Variants in CLYBL observed in about 807,000 individuals in gnomAD.
CLYBL encodes the protein citramalyl-CoA lyase, mitochondrial.
Under a neutral mutation model 38.9 loss-of-function variants are expected in CLYBL, and 31 were observed. The observed-to-expected ratio is 0.80, with a 90% CI of 0.60 to 1.08. CLYBL has a LOEUF of 1.08. CLYBL is among the 50% of genes least tolerant of loss of function. The pLI, the probability that CLYBL is intolerant of heterozygous loss-of-function variation, is 0.00. For missense variants in CLYBL, 434 were observed against 411.6 expected (o/e 1.05, Z -0.47); for synonymous variants, 171 against 158.6 (o/e 1.08, Z -0.59).
intron 1 of CLYBL, among the ~76,000 whole-genome samples, chr13:99,717,436 GAAAAAAAAAA>G (rs1172721313): frequency 2.2e-5 from 2 of 91,084 alleles, no homozygotes; most frequent in Non-Finnish European, 4.2e-5. Flanking sequence ...AAAAAAATTA[GAAAAAAAAAA>G]AAAAAAAAAA....
At chr13:99,781,562 G>A (rs1364787370) in intron 2 of CLYBL, among the ~76,000 whole-genome samples, 1 of 152,116 alleles carries the variant, frequency 6.6e-6, no homozygotes, top group African/African-American at 2.4e-5. Context: ...TGTAACCTCT[G>A]CCCCCCGGGT....
At chr13:99,852,250 G>A (rs1210078693) in intron 2 of CLYBL, among the ~76,000 whole-genome samples, 1 of 152,024 alleles carries the variant, frequency 6.6e-6, no homozygotes, top group African/African-American at 2.4e-5. Context: ...TTCTTTTTTT[G>A]TTGTTTTTGA....
At chr13:99,648,879 A>T (rs1003420832) in intron 1 of CLYBL, among the ~76,000 whole-genome samples, 5 of 152,148 alleles carry the variant, frequency 3.3e-5, no homozygotes, top group African/African-American at 1.2e-4. Flanking sequence ...GGACTTTGAA[A>T]TGAATATTTT....
chr13:99,701,603 G>A (rs559551328), intron 1 of CLYBL, among the ~76,000 whole-genome samples: 3 of 152,168 alleles, frequency 2.0e-5, no homozygotes, highest in South Asian at 2.1e-4. Context: ...GAGCCACCGC[G>A]CCCGGCCTGA....
chr13:99,643,998 C>G (rs1293578202), intron 1 of CLYBL, among the ~76,000 whole-genome samples: 2 of 103,412 alleles, frequency 1.9e-5, no homozygotes, highest in African/African-American at 9.1e-5. Context: ...GAACAAGACT[C>G]TGTCTCAAAA....
At chr13:99,820,472 C>T (rs996076104) in intron 2 of CLYBL, among the ~76,000 whole-genome samples, 1 of 150,848 alleles carries the variant, frequency 6.6e-6, no homozygotes, top group African/African-American at 2.4e-5. Context: ...GCCTACCTCC[C>T]CCCGACTCCC....
intron 1 of CLYBL, among the ~76,000 whole-genome samples, chr13:99,749,753 G>A (rs889712997): frequency 6.6e-6 from 1 of 152,174 alleles, no homozygotes; most frequent in Admixed American, 6.5e-5. Context: ...TCTCACGAAT[G>A]GCCCTGTTCC....
At chr13:99,699,473 C>G (rs757604226) in intron 1 of CLYBL, among the ~76,000 whole-genome samples, 14 of 151,824 alleles carry the variant, frequency 9.2e-5, no homozygotes, top group Non-Finnish European at 1.9e-4. Flanking sequence ...GCAGGCAGAT[C>G]ACGAGGTCAG....
chr13:99,836,363 G>A (rs1237192408), intron 2 of CLYBL, among the ~76,000 whole-genome samples: 1 of 152,206 alleles, frequency 6.6e-6, no homozygotes, highest in African/African-American at 2.4e-5. Context: ...CCAAGCCTCA[G>A]TTCCAGCACA....
intron 1 of CLYBL, among the ~76,000 whole-genome samples, chr13:99,675,347 C>T (rs1594113680): frequency 9.7e-6 from 1 of 103,434 alleles, no homozygotes; most frequent in African/African-American, 3.2e-5. Context: ...TCTATATCAG[C>T]TTTATTGAGA....
chr13:99,716,967 T>A (rs907741565), intron 1 of CLYBL, among the ~76,000 whole-genome samples: 8 of 150,718 alleles, frequency 5.3e-5, no homozygotes, highest in African/African-American at 1.9e-4. Context: ...AATTTTGTAT[T>A]TTTAGTAGAG....
chr13:99,690,514 C>A (rs775475947), intron 1 of CLYBL: 2 of 152,054 alleles, frequency 1.3e-5, no homozygotes. Context: ...TAATACCGCA[C>A]AGCTTGGAGG....
intron 1 of CLYBL, among the ~76,000 whole-genome samples, chr13:99,652,160 G>T (rs1336278619): frequency 6.6e-6 from 1 of 152,212 alleles, no homozygotes; most frequent in African/African-American, 2.4e-5. Flanking sequence ...CAGGGAGGGA[G>T]TGTCCAACTG....
Position 99,866,355 on chromosome 13 carries a change from TG to T in CLYBL, c.752del (p.Gly251GlufsTer21), listed in dbSNP as rs2051744096. The T allele has an allele frequency of 1.2e-6, 2 of 1,614,078 alleles. No homozygotes were observed. The highest frequency in any genetic ancestry group is 1.7e-6 in the Non-Finnish European group (2 of 1,180,038). On this transcript the variant is annotated frameshift_variant, in exon 6 of 9. Coordinates refer to ENST00000339105, the MANE Select transcript of CLYBL (RefSeq NM_206808.5). LOFTEE classifies it high-confidence loss of function. ...ATCTGGTGTACATTGACTTTCGAGA[TG>T]GAGCTGGGCTGCTTAGACAGTCACG... ...IDLVYIDFRD[G>X]AGLLRQSREG...
rs148327524 is a variant in CLYBL at position 99,682,515 on chromosome 13, T to G, written c.62+75758T>G. ...CAGTAAAAATACTGCATAAAAGATT[T>G]AAAATGGAACACTCACAGAAGGCTC... On this transcript the variant is annotated intron_variant, in intron 1 of 8. Coordinates refer to ENST00000339105, the MANE Select transcript of CLYBL (RefSeq NM_206808.5). Among the ~76,000 whole-genome samples, 231 of 152,158 alleles carry G rather than the reference T, an allele frequency of 1.5e-3. 2 individuals are homozygous for G. Among genetic ancestry groups the G allele is most frequent in the African/African-American group, 5.3e-3 (220 of 41,532 alleles).
chr13:99,694,781 G>A (rs765442228), intron 1 of CLYBL, among the ~76,000 whole-genome samples: 4 of 152,166 alleles, frequency 2.6e-5, no homozygotes, highest in African/African-American at 9.7e-5. Context: ...CCTGGACATC[G>A]GTGCTTTCCC....
chr13:99,866,102 A>G, intron 5 of CLYBL, 138 bp from the exon 6 acceptor site: 1 of 830,272 alleles, frequency 1.2e-6, no homozygotes, highest in South Asian at 1.6e-5. Flanking sequence ...CTTCATTTGT[A>G]TTTCAATAAT....
At chr13:99,846,704 A>C (rs1290628103) in intron 2 of CLYBL, among the ~76,000 whole-genome samples, 1 of 152,206 alleles carries the variant, frequency 6.6e-6, no homozygotes, top group Non-Finnish European at 1.5e-5. Flanking sequence ...GTTTAGTTGC[A>C]AGGCTATGTG....
exon 10 of CLYBL, among the ~76,000 whole-genome samples, chr13:99,908,701 G>A (rs1040844001): frequency 6.6e-6 from 1 of 152,302 alleles, no homozygotes; most frequent in Admixed American, 6.5e-5. Flanking sequence ...AGACAAGTGT[G>A]TCCAATTTAA....
Sources: allele counts gnomAD v4.1 joint callset (sites outside exome capture counted in the v4.1 genomes callset), GRCh38; gene constraint gnomAD v4.1.1; transcripts MANE v1.5; gene names NCBI Gene and HGNC (gene_info 2026-07-23, HGNC 2026-07-21).